RTKN: variants seen among roughly 807,000 people sequenced by gnomAD.
The protein encoded by RTKN is rhotekin.
In RTKN, 49 loss-of-function variants were observed where a neutral mutation model predicts 63.5. That is an observed-to-expected ratio of 0.77 (90% CI 0.61 to 0.98). The LOEUF is 0.98. RTKN is among the 50% of genes least tolerant of loss of function. The probability of loss-of-function intolerance (pLI) is 0.00; values close to 1 mark genes in which losing one functional copy is unlikely to be tolerated. For synonymous variants in RTKN, 295 were observed against 290.4 expected, an observed-to-expected ratio of 1.02 and a Z score of -0.16; for missense variants, 685 against 740.8, an observed-to-expected ratio of 0.92 and a Z score of 0.87.
chr2:74,427,993 A>T (rs1670507203), intron 9 of RTKN: 1 of 528,152 alleles, frequency 1.9e-6, no homozygotes, highest in African/African-American at 1.9e-5. Flanking sequence ...AATCTGAGGG[A>T]GAAGAGGGAG....
intron 1 of RTKN, among the ~76,000 whole-genome samples, chr2:74,434,472 G>A (rs1048950989): frequency 1.3e-5 from 2 of 152,090 alleles, no homozygotes; most frequent in Admixed American, 1.3e-4. Flanking sequence ...TAGAGACGGG[G>A]TTGCACCATG....
intron 11 of RTKN, 199 bp downstream of exon 11, chr2:74,426,970 G>C (rs1428206509): frequency 1.0e-6 from 1 of 985,290 alleles, no homozygotes; most frequent in Admixed American, 6.1e-5. Context: ...CTGGGGTTTT[G>C]TTTTGAACTT....
In RTKN at chr2:74,427,325, C is replaced by G. The variant is rs769074394; in HGVS notation, c.1256-52G>C. ...GAGAGCCAGGCTGCCCTTTCTCCTG[C>G]TACATTCCCTTCCACATAATCTTGA... On this transcript the variant is annotated intron_variant, in intron 10 of 11. Transcript: ENST00000272430. The G allele has an allele frequency of 1.9e-6, 3 of 1,606,468 alleles. No individual in the cohort carries two copies. In the Admixed American group the frequency reaches 5.0e-5, roughly 27 times the overall value.
intron 1 of RTKN, among the ~76,000 whole-genome samples, chr2:74,437,215 T>C (rs992771136): frequency 7.9e-5 from 12 of 152,192 alleles, no homozygotes; most frequent in Non-Finnish European, 1.5e-4. Context: ...CTTCGTAGCA[T>C]TGTTTGAGAA....
intron 1 of RTKN, among the ~76,000 whole-genome samples, chr2:74,437,108 ACCAGGGCTAAGTACAAAT>A (rs1355235014): frequency 1.3e-5 from 2 of 151,612 alleles, no homozygotes; most frequent in African/African-American, 4.9e-5. Flanking sequence ...CAGAATCTCC[ACCAGGGCTAAGTACAAAT>A]CCTGGTTTAG....
chr2:74,430,286 G>A lies in RTKN; in HGVS notation c.511C>T (p.Leu171Phe). ...DTEMILVDRT[L>F]TDISFQSNVL... Reference sequence around the variant, plus strand: ...TTGCTCTGAAAGGAGATGTCTGTGAGGGTCCTGTCCACTAGGATCATCTCT... The same window carrying A: ...TTGCTCTGAAAGGAGATGTCTGTGAAGGTCCTGTCCACTAGGATCATCTCT... The change falls in exon 5 of 12, where the codon CTC (leucine) becomes TTC (phenylalanine). Residue 171 changes from leucine to phenylalanine, a missense_variant. Transcript: ENST00000272430. 3 of 1,613,982 alleles carry A rather than the reference G, an allele frequency of 1.9e-6. No individual in the cohort carries two copies. Among genetic ancestry groups the A allele is most frequent in the Non-Finnish European group, 2.5e-6 (3 of 1,179,916 alleles).
rs114329797 is a variant in RTKN, at chr2:74,438,766, C to T, written c.111+2940G>A. 9.5e-3 allele frequency among the ~76,000 whole-genome samples: 1,445 copies of T among 152,354 alleles called. 26 individuals carry two copies. Among genetic ancestry groups the T allele is most frequent in the African/African-American group, 0.033 (1,389 of 41,580 alleles). On this transcript the variant is annotated intron_variant, in intron 1 of 11. Coordinates refer to ENST00000272430, the MANE Select transcript of RTKN (RefSeq NM_001015055.2). ...ATCCTCCTGGGCTTAGCTCAAAGAT[C>T]TCCCAACAGAGGCTTCCCCTGACCT...
chr2:74,427,327 A>G, intron 10 of RTKN, 54 bp from the exon 11 acceptor site: 4 of 1,607,082 alleles, frequency 2.5e-6, no homozygotes, highest in South Asian at 1.1e-5. Flanking sequence ...TTCTCCTGCT[A>G]CATTCCCTTC....
Position 74,436,557 on chromosome 2 carries a change from C to A in RTKN, c.112-3891G>T, listed in dbSNP as rs1254690631. Among the ~76,000 whole-genome samples the A allele has an allele frequency of 3.9e-5, 6 of 152,124 alleles. No homozygotes were observed. Among genetic ancestry groups the A allele is most frequent in the African/African-American group, 1.4e-4 (6 of 41,418 alleles). On this transcript the variant is annotated intron_variant, in intron 1 of 11. Transcript: ENST00000272430. The surrounding 1 kb of genome is among the most constrained non-coding windows in gnomAD (Gnocchi z 4.3). The stretch of plus-strand genomic sequence containing the variant: ...CACGACGTGCTCCAGCTCCGGGAGG[C>A]CCCTCCCGCGTAGCGTTTGCCCTCC...
At position 74,430,360 on chromosome 2, in the gene RTKN, C is replaced by T. The variant is rs1244840658; in HGVS notation, c.437G>A (p.Arg146His). Reference protein sequence around the residue: ...EYFKNKGDLHRWAVFLLLQLG... With the variant: ...EYFKNKGDLHHWAVFLLLQLG... ...CTGCAGCAGCAGGAACACAGCCCAG[C>T]GGTGCAAGTCTGGGGACAAAGGGCA... Residue 146 changes from arginine to histidine, a missense_variant, in exon 5 of 12, where the codon CGC (arginine) becomes CAC (histidine). Transcript: ENST00000272430. The T allele has an allele frequency of 1.2e-5, 19 of 1,614,056 alleles. No individual in the cohort carries two copies. Among genetic ancestry groups the T allele is most frequent in the African/African-American group, 2.7e-5 (2 of 74,942 alleles).
chr2:74,426,908 G>C, intron 11 of RTKN: 1 of 1,358,908 alleles, frequency 7.4e-7, no homozygotes, highest in Admixed American at 3.5e-5. Flanking sequence ...TGCAGAAAGG[G>C]AAACAGAAAA....
chr2:74,434,843 A>AGT (rs1670967803), intron 1 of RTKN, among the ~76,000 whole-genome samples: 1 of 152,222 alleles, frequency 6.6e-6, no homozygotes, highest in African/African-American at 2.4e-5. Context: ...AATCTCTAGG[A>AGT]GTGGGGCATA....
At chr2:74,433,725 C>T (rs1266081707) in intron 1 of RTKN, among the ~76,000 whole-genome samples, 1 of 152,136 alleles carries the variant, frequency 6.6e-6, no homozygotes, top group African/African-American at 2.4e-5. Context: ...GATCTCCTGA[C>T]CTTGTGATCC....
rs1045762747 is a variant in RTKN, at chr2:74,427,457, T to A, written c.1222A>T (p.Met408Leu). 6.2e-7 allele frequency: 1 copy of A among 1,614,196 alleles called. No homozygotes were observed. The highest frequency in any genetic ancestry group is 8.5e-7 in the Non-Finnish European group (1 of 1,180,038). The change falls in exon 10 of 12, where the codon ATG becomes TTG. Residue 408 changes from methionine to leucine, a missense_variant. Met to Leu is a conservative substitution (Grantham distance 15). Transcript: ENST00000272430. ...AAGAAAAGCTGCCACAGAGCCTCCA[T>A]CCAGCTCTGCAGTGCTTCCCGACTT... Reference protein sequence around the residue: ...TESREALQSWMEALWQLFFDM... With the variant: ...TESREALQSWLEALWQLFFDM...
chr2:74,437,656 A>G (rs1286396850), intron 1 of RTKN, among the ~76,000 whole-genome samples: 1 of 152,240 alleles, frequency 6.6e-6, no homozygotes, highest in Non-Finnish European at 1.5e-5. Flanking sequence ...CAACTAAGGA[A>G]TTAATGTTTT....
intron 1 of RTKN, among the ~76,000 whole-genome samples, chr2:74,438,743 C>G (rs1671191277): frequency 6.6e-6 from 1 of 152,234 alleles, no homozygotes; most frequent in Admixed American, 6.5e-5. Context: ...ATCTCCAAAT[C>G]CTCCTGGGCT....
rs1376934185 is a variant in RTKN, at chr2:74,427,446, C to T, written c.1233G>A (p.Leu411=). ...REALQSWMEA[L]WQLFFDMSQW... ...TACTCATGTCAAAGAAAAGCTGCCA[C>T]AGAGCCTCCATCCAGCTCTGCAGTG... Residue 411 remains leucine (L), a synonymous_variant, in exon 10 of 12, where the codon CTG becomes CTA. Transcript: ENST00000272430. 1 of 1,614,212 alleles carries T rather than the reference C, an allele frequency of 6.2e-7. No homozygotes were observed. Among genetic ancestry groups the T allele is most frequent in the South Asian group, 1.1e-5 (1 of 91,084 alleles).
chr2:74,432,450 G>A lies in RTKN; in HGVS notation c.311+17C>T, dbSNP rs765027119. ...GGCCTCCTGCCTCCATCGAGGCCTC[G>A]TCTCCCCCTTGCTCACCGCCGGCTT... On this transcript the variant is annotated intron_variant, in intron 2 of 11. Transcript: ENST00000272430. The A allele has an allele frequency of 2.7e-5, 44 of 1,604,354 alleles. No homozygotes were observed. Among genetic ancestry groups the A allele is most frequent in the East Asian group, 2.2e-4 (10 of 44,882 alleles).
At chr2:74,438,414 G>T (rs1175929776) in intron 1 of RTKN, among the ~76,000 whole-genome samples, 1 of 152,058 alleles carries the variant, frequency 6.6e-6, no homozygotes, top group Non-Finnish European at 1.5e-5. Flanking sequence ...CCACCTGGTG[G>T]ACATTTGCGA....
Sources: gnomAD v4.1 joint callset for allele counts (sites outside exome capture counted in the v4.1 genomes callset) on GRCh38, gnomAD v4.1.1 for gene constraint, Gnocchi (gnomAD v3.1) non-coding constraint, MANE v1.5 for transcripts, NCBI Gene and HGNC (gene_info 2026-07-23, HGNC 2026-07-21) for gene names.